The following SLIT2 variants were observed in gnomAD, a reference collection of about 807,000 sequenced individuals.
SLIT2 encodes the protein slit guidance ligand 2.
SLIT2 carries 41 observed loss-of-function variants against 185.7 expected under a neutral mutation model. That is an observed-to-expected ratio of 0.22 (90% CI 0.17 to 0.29). SLIT2 has a LOEUF of 0.29. Among genes scored for constraint, SLIT2 ranks in the 10% least tolerant of loss-of-function variants. SLIT2 has a pLI of 1.00. For missense variants in SLIT2, 1,571 were observed against 1,909.0 expected, an observed-to-expected ratio of 0.82 and a Z score of 3.30; for synonymous variants, 693 against 680.2, an observed-to-expected ratio of 1.02 and a Z score of -0.29.
chr4:20,563,408 A>T (rs1251084191), intron 26 of SLIT2, among the ~76,000 whole-genome samples: 2 of 151,792 alleles, frequency 1.3e-5, no homozygotes, highest in African/African-American at 4.8e-5. Flanking sequence ...AAGCTTAAAG[A>T]TTGCAGTTCT....
At chr4:20,578,472 C>T (rs996648118) in intron 29 of SLIT2, among the ~76,000 whole-genome samples, 1 of 152,116 alleles carries the variant, frequency 6.6e-6, no homozygotes, top group African/African-American at 2.4e-5. Context: ...TCCTAAATTT[C>T]TCCTTCATTA....
chr4:20,347,061 C>T (rs760443197), intron 4 of SLIT2, among the ~76,000 whole-genome samples: 2 of 152,140 alleles, frequency 1.3e-5, no homozygotes, highest in African/African-American at 2.4e-5. Flanking sequence ...GTTGACACTC[C>T]GTATTAACCA....
intron 4 of SLIT2, among the ~76,000 whole-genome samples, chr4:20,360,403 T>C (rs933855409): frequency 1.3e-5 from 2 of 152,108 alleles, no homozygotes; most frequent in African/African-American, 4.8e-5. Context: ...CCTAGACAAA[T>C]GCAAGAGGGC....
intron 26 of SLIT2, among the ~76,000 whole-genome samples, chr4:20,559,869 C>A (rs975476585): frequency 5.9e-5 from 9 of 151,660 alleles, no homozygotes; most frequent in African/African-American, 2.2e-4. Context: ...AGATTGCCAC[C>A]CTATTATTGA....
chr4:20,497,825 G>T (rs1179440175), intron 9 of SLIT2, among the ~76,000 whole-genome samples: 1 of 152,022 alleles, frequency 6.6e-6, no homozygotes, highest in East Asian at 1.9e-4. Flanking sequence ...AGGAGATCTT[G>T]GACACACAAT....
chr4:20,606,221 A>G (rs1424770197), intron 33 of SLIT2, among the ~76,000 whole-genome samples: 1 of 151,880 alleles, frequency 6.6e-6, no homozygotes, highest in East Asian at 1.9e-4. Flanking sequence ...TTGGCCAGTC[A>G]TGGTGGTTTA....
rs1714840834 is a variant in SLIT2 at position 20,470,278 on chromosome 4, A to G, written c.467+2455A>G. ...AAATGATTAGCAATATTGACTAGAA[A>G]TGACTATTCTATTGTGGGTCATTTT... On this transcript the variant is annotated intron_variant, in intron 5 of 36. Coordinates refer to ENST00000504154, the MANE Select transcript of SLIT2 (RefSeq NM_004787.4). 2.6e-5 allele frequency among the ~76,000 whole-genome samples: 4 copies of G among 152,328 alleles called. No homozygotes were observed. In the South Asian group the frequency reaches 8.3e-4, roughly 32 times the overall value.
At chr4:20,486,337 T>G (rs1246180119) in intron 7 of SLIT2, 66 bp downstream of exon 7, 4 of 951,714 alleles carry the variant, frequency 4.2e-6, no homozygotes, top group Non-Finnish European at 6.8e-6. Flanking sequence ...AATAGCATGT[T>G]CAGTAAGCAA....
chr4:20,602,396 T>C (rs1430878918), intron 33 of SLIT2, among the ~76,000 whole-genome samples: 5 of 152,238 alleles, frequency 3.3e-5, no homozygotes, highest in African/African-American at 1.2e-4. Context: ...ATTATTCTTT[T>C]AGCGTAGAAA....
intron 4 of SLIT2, among the ~76,000 whole-genome samples, chr4:20,435,325 T>A (rs1453459140): frequency 6.6e-6 from 1 of 152,226 alleles, no homozygotes; most frequent in East Asian, 1.9e-4. Context: ...CAAGGCACTA[T>A]CCTTAACTCC....
rs1276292964 is a variant in SLIT2 at position 20,255,000 on chromosome 4, C to T, written c.179+1006C>T. On this transcript the variant is annotated intron_variant, in intron 1 of 36. Coordinates refer to ENST00000504154, the MANE Select transcript of SLIT2 (RefSeq NM_004787.4). The surrounding 1 kb of genome is among the most constrained non-coding windows in gnomAD (Gnocchi z 5.1). The stretch of plus-strand genomic sequence containing the variant: ...CTCCTGATGAGGCGCTTCCAGAGTT[C>T]AGCGAAGTGGAGCATGGAGGCCGTT... 1 of 456,218 alleles carries T rather than the reference C, an allele frequency of 2.2e-6. No homozygotes were observed. The highest frequency in any genetic ancestry group is 4.4e-6 in the Non-Finnish European group (1 of 226,986). 28.3% of individuals were successfully genotyped at this position (456,218 alleles called of 1,614,324 possible).
chr4:20,489,681 G>A (rs1042119385), intron 8 of SLIT2, among the ~76,000 whole-genome samples: 20 of 152,216 alleles, frequency 1.3e-4, no homozygotes, highest in African/African-American at 4.8e-4. Flanking sequence ...CTACTTGGGA[G>A]GCTGAGGCAG....
At chr4:20,300,305 A>G (rs1577392235) in intron 4 of SLIT2, among the ~76,000 whole-genome samples, 1 of 152,254 alleles carries the variant, frequency 6.6e-6, no homozygotes, top group East Asian at 1.9e-4. Context: ...TGTTCTCAGT[A>G]AAGAAAGTGG....
At chr4:20,465,146 C>T (rs1714194392) in intron 4 of SLIT2, among the ~76,000 whole-genome samples, 1 of 152,200 alleles carries the variant, frequency 6.6e-6, no homozygotes, top group African/African-American at 2.4e-5. Context: ...GAAGGACATA[C>T]TGAGATTAAG....
chr4:20,262,400 T>C (rs1712570407), intron 3 of SLIT2, among the ~76,000 whole-genome samples: 1 of 151,760 alleles, frequency 6.6e-6, no homozygotes. Context: ...AAAGCATCAT[T>C]TATCCTGTGT....
At chr4:20,373,963 T>A (rs1467709339) in intron 4 of SLIT2, among the ~76,000 whole-genome samples, 1 of 152,102 alleles carries the variant, frequency 6.6e-6, no homozygotes, top group South Asian at 2.1e-4. Context: ...AACCTGGTGA[T>A]ATTTTGTCTC....
At position 20,533,733 on chromosome 4, in the gene SLIT2, C is replaced by G; in HGVS notation, c.1832+18C>G. Reference sequence around the variant, plus strand: ...AAAACTTTGTAAGTATTTGTACTTGCATTGCAGTTCTTCTACCAAAGGATT... The same window carrying G: ...AAAACTTTGTAAGTATTTGTACTTGGATTGCAGTTCTTCTACCAAAGGATT... On this transcript the variant is annotated intron_variant, in intron 18 of 36. Transcript: ENST00000504154. The G allele has an allele frequency of 6.3e-7, 1 of 1,599,616 alleles. No homozygotes were observed. The highest frequency in any genetic ancestry group is 2.2e-5 in the East Asian group (1 of 44,784).
Position 20,617,580 on chromosome 4 carries a change from C to T in SLIT2, c.4278C>T (p.Cys1426=), listed in dbSNP as rs753417288. ...CGATCAAGTGCAAGCATGGGAAGTG[C>T]AGGCTTTCAGGTCTGGGGCAGCCCT... ...CQAIKCKHGK[C]RLSGLGQPYC... The change falls in exon 36 of 37, where the codon TGC becomes TGT. Residue 1426 remains cysteine, a synonymous_variant. Transcript: ENST00000504154. The T allele has an allele frequency of 6.2e-7, 1 of 1,613,684 alleles. No individual in the cohort carries two copies. The highest frequency in any genetic ancestry group is 1.7e-5 in the Admixed American group (1 of 60,010).
chr4:20,555,864 A>G (rs1025560472), intron 26 of SLIT2, among the ~76,000 whole-genome samples: 1 of 151,962 alleles, frequency 6.6e-6, no homozygotes, highest in African/African-American at 2.4e-5. Flanking sequence ...TTTTTCTTAA[A>G]CTGTATTTTC....
Sources: allele counts gnomAD v4.1 joint callset (sites outside exome capture counted in the v4.1 genomes callset), GRCh38; gene constraint gnomAD v4.1.1; non-coding constraint Gnocchi (gnomAD v3.1); transcripts MANE v1.5; gene names NCBI Gene and HGNC (gene_info 2026-07-23, HGNC 2026-07-21).